Variants in DPP6 observed in about 807,000 individuals in gnomAD.
DPP6 encodes A-type potassium channel modulatory protein DPP6.
DPP6 carries 69 observed loss-of-function variants against 122.6 expected under a neutral mutation model. The observed-to-expected ratio is 0.56, with a 90% confidence interval of 0.46 to 0.69. The LOEUF (loss-of-function observed/expected upper bound fraction) is 0.69, where lower values mean the gene tolerates loss of function less well. Ranked by LOEUF, DPP6 falls within the 30% of genes least tolerant of loss-of-function variation. The pLI, the probability that DPP6 is intolerant of heterozygous loss-of-function variation, is 0.00. For missense variants in DPP6, 928 were observed against 1,116.9 expected (o/e 0.83, Z 2.41); for synonymous variants, 418 against 433.1 (o/e 0.97, Z 0.43).
the DPP6 span, among the ~76,000 whole-genome samples, chr7:153,877,535 C>T: frequency 2.6e-5 from 4 of 152,088 alleles, no homozygotes; most frequent in African/African-American, 9.7e-5. Context: ...GATGATGTCA[C>T]TAGGAACAGG....
In DPP6 at chr7:154,054,893, A is replaced by G. The variant is rs1472169529; in HGVS notation, c.243+1830A>G. On this transcript the variant is annotated intron_variant, in intron 1 of 25. Coordinates refer to ENST00000377770, the MANE Select transcript of DPP6 (RefSeq NM_130797.4). ...AGGAAAGGCAAGAGCTCTGAATTTTATTTCAGATGATCTCCATCTTTTTTT... is the reference window on the plus strand; with the variant it reads ...AGGAAAGGCAAGAGCTCTGAATTTTGTTTCAGATGATCTCCATCTTTTTTT... Among the ~76,000 whole-genome samples, 5 of 151,476 alleles carry G rather than the reference A, an allele frequency of 3.3e-5. No individual in the cohort carries two copies. The East Asian group carries it at 9.8e-4, about 30-fold the overall frequency.
chr7:154,433,746 A>G (rs1447011548), intron 1 of DPP6, among the ~76,000 whole-genome samples: 1 of 152,232 alleles, frequency 6.6e-6, no homozygotes, highest in African/African-American at 2.4e-5. Context: ...CAAATGCATT[A>G]TATCTGGAGG....
rs778173026 is a variant in DPP6, at chr7:154,887,471, G to A, written c.2246-205G>A. On this transcript the variant is annotated intron_variant, in intron 22 of 25. Transcript: ENST00000377770. ...GGCACTCACACACATTAAGGTTCCC[G>A]TTGTACCGCCTGATGCCCCTTGTAA... 3.3e-5 allele frequency among the ~76,000 whole-genome samples: 5 copies of A among 152,172 alleles called. No homozygotes were observed. The East Asian group carries it at 5.8e-4, about 18-fold the overall frequency.
intron 3 of DPP6, among the ~76,000 whole-genome samples, chr7:154,485,529 T>C (rs555989778): frequency 3.9e-5 from 6 of 152,308 alleles, no homozygotes; most frequent in African/African-American, 1.4e-4. Flanking sequence ...TTCAACAGTA[T>C]CCTGTCTGCA....
the DPP6 span, among the ~76,000 whole-genome samples, chr7:153,857,322 T>TCTCTCTCTCTCTCTCTC: frequency 3.5e-4 from 44 of 124,474 alleles, 1 homozygote; most frequent in East Asian, 5.7e-3. Context: ...CTCAAAGGTT[T>TCTCTCTCTCTCTCTCTC]TCTCTCTCTC....
chr7:154,198,069 T>C (rs1798960151), intron 1 of DPP6, among the ~76,000 whole-genome samples: 1 of 152,184 alleles, frequency 6.6e-6, no homozygotes, highest in Admixed American at 6.5e-5. Context: ...TCTTGGAGTA[T>C]GGCCCAGATG....
At chr7:154,203,184 G>A (rs1388309122) in intron 1 of DPP6, among the ~76,000 whole-genome samples, 3 of 152,100 alleles carry the variant, frequency 2.0e-5, no homozygotes, top group Admixed American at 6.6e-5. Flanking sequence ...GCTCATGCCC[G>A]GCATATAATG....
rs71803736 is a variant in DPP6, at chr7:154,755,148, T to TAAAA, written c.884-14256_884-14253dup. Among the ~76,000 whole-genome samples the TAAAA allele has an allele frequency of 2.1e-3, 270 of 131,570 alleles. 1 individual carries two copies. The highest frequency in any genetic ancestry group is 4.8e-3 in the African/African-American group (176 of 36,612). 86.3% of individuals were successfully genotyped at this position (131,570 alleles called of 152,430 possible). ...TCCCAGAACTTAAAGTAAAATAAAT[T>TAAAA]AAAAAAAAAAAAAAAAGAAACTGAA... On this transcript the variant is annotated intron_variant, in intron 8 of 25. Coordinates refer to ENST00000377770, the MANE Select transcript of DPP6 (RefSeq NM_130797.4). The surrounding 1 kb of genome is among the most constrained non-coding windows in gnomAD (Gnocchi z 4.7).
chr7:154,687,568 G>A (rs944680170), intron 7 of DPP6, among the ~76,000 whole-genome samples: 8 of 151,808 alleles, frequency 5.3e-5, no homozygotes, highest in African/African-American at 1.5e-4. Context: ...TTATTGATGC[G>A]CATCATTTCT....
chr7:154,165,584 T>C (rs1433955234), intron 1 of DPP6, among the ~76,000 whole-genome samples: 1 of 151,614 alleles, frequency 6.6e-6, no homozygotes, highest in African/African-American at 2.4e-5. Context: ...ATCGCCACAC[T>C]GACTTCCACA....
intron 1 of DPP6, among the ~76,000 whole-genome samples, chr7:153,982,784 C>T (rs1796653876): frequency 6.6e-6 from 1 of 152,106 alleles, no homozygotes; most frequent in South Asian, 2.1e-4. Flanking sequence ...GTTAGTTTTT[C>T]TTCTAACAGT....
At chr7:153,978,779 T>C (rs1398501458) in intron 1 of DPP6, among the ~76,000 whole-genome samples, 1 of 152,192 alleles carries the variant, frequency 6.6e-6, no homozygotes, top group East Asian at 1.9e-4. Context: ...TAGACAGTTT[T>C]CCCAACACCA....
At chr7:154,759,265 C>T (rs1795358035) in intron 8 of DPP6, among the ~76,000 whole-genome samples, 1 of 152,224 alleles carries the variant, frequency 6.6e-6, no homozygotes, top group African/African-American at 2.4e-5. Context: ...TTGCTTGTCA[C>T]TTGATTATCC....
At chr7:154,186,257 T>A (rs990397826) in intron 1 of DPP6, among the ~76,000 whole-genome samples, 1 of 152,212 alleles carries the variant, frequency 6.6e-6, no homozygotes, top group African/African-American at 2.4e-5. Context: ...TCTGACAATG[T>A]CTTGTTGAAA....
At chr7:154,392,459 A>G (rs375980488) in intron 1 of DPP6, among the ~76,000 whole-genome samples, 9 of 152,294 alleles carry the variant, frequency 5.9e-5, no homozygotes, top group East Asian at 5.8e-4. Flanking sequence ...TATTTCATGC[A>G]GGTGGAGAGT....
intron 1 of DPP6, among the ~76,000 whole-genome samples, chr7:154,176,687 G>C (rs4725528): frequency 0.22 from 34,005 of 152,172 alleles, 4,609 homozygotes; most frequent in East Asian, 0.39. Context: ...CTGGGTCTCT[G>C]ATCAACCCTG....
intron 1 of DPP6, among the ~76,000 whole-genome samples, chr7:153,923,869 C>T (rs1482901578): frequency 2.6e-5 from 4 of 151,366 alleles, no homozygotes; most frequent in African/African-American, 7.3e-5. Flanking sequence ...CTCATTTAGT[C>T]ATCGGTGGAT....
chr7:154,313,712 T>TATATATATATATATATGC (rs1554515587), intron 1 of DPP6, among the ~76,000 whole-genome samples: 1,207 of 24,606 alleles, frequency 0.049, 292 homozygotes, highest in Non-Finnish European at 0.078. Flanking sequence ...TATATATATA[T>TATATATATATATATATGC]ATACACACAC....
intron 1 of DPP6, among the ~76,000 whole-genome samples, chr7:154,060,309 C>T (rs1447497707): frequency 2.3e-5 from 3 of 130,016 alleles, no homozygotes; most frequent in Non-Finnish European, 3.4e-5. Flanking sequence ...CCCCCTGGCT[C>T]TTAGGACCCC....
Sources: gnomAD v4.1 joint callset for allele counts (sites outside exome capture counted in the v4.1 genomes callset) on GRCh38, gnomAD v4.1.1 for gene constraint, Gnocchi (gnomAD v3.1) non-coding constraint, MANE v1.5 for transcripts, NCBI Gene and HGNC (gene_info 2026-07-23, HGNC 2026-07-21) for gene names.